PRDM1: variants seen among roughly 807,000 people sequenced by gnomAD.
PRDM1 encodes PR domain zinc finger protein 1.
In PRDM1, 13 loss-of-function variants were observed where a neutral mutation model predicts 62.8. The ratio of observed to expected loss-of-function variants is 0.21; its 90% CI spans 0.13 to 0.33. The LOEUF is 0.33. PRDM1 is among the 10% of genes least tolerant of loss of function. The probability of loss-of-function intolerance (pLI) is 1.00; values close to 1 mark genes in which losing one functional copy is unlikely to be tolerated. For synonymous variants in PRDM1, 396 were observed against 417.6 expected (o/e 0.95, Z 0.63); for missense variants, 895 against 1,058.8 (o/e 0.85, Z 2.15).
intron 4 of PRDM1, among the ~76,000 whole-genome samples, chr6:106,102,342 G>T (rs901745755): frequency 9.9e-5 from 15 of 152,218 alleles, no homozygotes; most frequent in African/African-American, 3.4e-4. Flanking sequence ...GCTGCTGAAG[G>T]ATGATTTTTT....
chr6:106,076,945 G>A (rs553106896), intron 1 of PRDM1, among the ~76,000 whole-genome samples: 1 of 152,366 alleles, frequency 6.6e-6, no homozygotes, highest in African/African-American at 2.4e-5. Flanking sequence ...GCAGATGGCT[G>A]AGTGGACAAA....
At chr6:106,099,080 A>G (rs1190691586) in intron 3 of PRDM1, 2 of 1,614,162 alleles carry the variant, frequency 1.2e-6, no homozygotes, top group Non-Finnish European at 1.7e-6. Context: ...AGACGATAAA[A>G]CTGAAATGGA....
At chr6:106,066,770 A>T (rs1445032479) in intron 1 of PRDM1, among the ~76,000 whole-genome samples, 1 of 152,126 alleles carries the variant, frequency 6.6e-6, no homozygotes, top group Non-Finnish European at 1.5e-5. Context: ...ATATATACAC[A>T]TTTTCCACCA....
chr6:106,090,002 A>G (rs1309238460), intron 2 of PRDM1, among the ~76,000 whole-genome samples: 2 of 152,148 alleles, frequency 1.3e-5, no homozygotes, highest in Non-Finnish European at 2.9e-5. Context: ...AAGTTTTTCA[A>G]TTTCCGTCAT....
intron 1 of PRDM1, among the ~76,000 whole-genome samples, chr6:106,024,168 G>A (rs769593617): frequency 6.6e-6 from 1 of 151,974 alleles, no homozygotes; most frequent in African/African-American, 2.4e-5. Context: ...CAGTGCCTAC[G>A]TGTTAATTTA....
At chr6:106,009,722 T>C (rs1772522865) in intron 1 of PRDM1, among the ~76,000 whole-genome samples, 1 of 151,970 alleles carries the variant, frequency 6.6e-6, no homozygotes, top group Admixed American at 6.6e-5. Context: ...TTCTCCCTCC[T>C]GAATTTTTTT....
chr6:106,098,944 A>T (rs561962994), intron 3 of PRDM1: 1 of 1,529,190 alleles, frequency 6.5e-7, no homozygotes, highest in Admixed American at 2.0e-5. Flanking sequence ...TGAAGTCAGT[A>T]GCATCGCCCA....
At chr6:106,014,598 A>G (rs1772596557) in intron 1 of PRDM1, among the ~76,000 whole-genome samples, 1 of 151,376 alleles carries the variant, frequency 6.6e-6, no homozygotes. Flanking sequence ...ATCTGTAACA[A>G]ATGTATTTAT....
chr6:106,067,749 A>G (rs553525435), intron 1 of PRDM1, among the ~76,000 whole-genome samples: 45 of 152,310 alleles, frequency 3.0e-4, no homozygotes, highest in African/African-American at 1.1e-3. Context: ...GCTTAATAGG[A>G]TCAGAGTTTC....
intron 1 of PRDM1, among the ~76,000 whole-genome samples, chr6:106,058,242 A>G (rs1253160618): frequency 2.6e-5 from 4 of 152,202 alleles, no homozygotes; most frequent in Non-Finnish European, 5.9e-5. Flanking sequence ...GTCCAAGATC[A>G]GGGTCCAGCC....
At chr6:106,050,921 A>G (rs920987578) in intron 1 of PRDM1, among the ~76,000 whole-genome samples, 5 of 152,246 alleles carry the variant, frequency 3.3e-5, no homozygotes, top group African/African-American at 4.8e-5. Flanking sequence ...TTTTGTATTT[A>G]AAATTTAGTG....
chr6:106,081,239 C>T (rs902230570), intron 1 of PRDM1, among the ~76,000 whole-genome samples: 1 of 152,164 alleles, frequency 6.6e-6, no homozygotes, highest in East Asian at 1.9e-4. Flanking sequence ...GTGTCACCAC[C>T]GGTTTAACAT....
rs72941650 is a variant in PRDM1 at position 106,052,004 on chromosome 6, T to G, written c.-67+3290T>G. On this transcript the variant is annotated intron_variant, in intron 1 of 6. Coordinates refer to the PRDM1 transcript ENST00000651185. ...AAGTTCATAGACACAGAAAGTAGAA[T>G]AGAGGTTACCAGGGACTAGGGGTAG... Among the ~76,000 whole-genome samples the G allele has an allele frequency of 3.7e-4, 56 of 152,250 alleles. No individual in the cohort carries two copies. In the South Asian group the frequency reaches 4.3e-3, roughly 12 times the overall value.
intron 4 of PRDM1, among the ~76,000 whole-genome samples, chr6:106,104,078 T>A (rs954884244): frequency 6.6e-6 from 1 of 152,250 alleles, no homozygotes; most frequent in African/African-American, 2.4e-5. Context: ...AAATGAGTCT[T>A]AATCTTTCAC....
chr6:106,072,213 T>G (rs1773530529), intron 1 of PRDM1: 2 of 152,228 alleles, frequency 1.3e-5, no homozygotes, highest in Admixed American at 6.5e-5. Context: ...GCTGTTTCAC[T>G]GGGGGCAGGA....
At chr6:106,064,640 G>C (rs1773400509) in intron 1 of PRDM1, among the ~76,000 whole-genome samples, 1 of 152,150 alleles carries the variant, frequency 6.6e-6, no homozygotes, top group Non-Finnish European at 1.5e-5. Context: ...TGGCTGTATA[G>C]GCATAAGTTG....
In PRDM1 at chr6:106,094,784, T is replaced by TC. The variant is rs1363853412; in HGVS notation, c.292-828dup. Among the ~76,000 whole-genome samples, 4 of 152,016 alleles carry TC rather than the reference T, an allele frequency of 2.6e-5. No individual in the cohort carries two copies. In the East Asian group the frequency reaches 5.8e-4, roughly 22 times the overall value. ...TGGGCGTGATGGTGCATGCCTGTAGTCCCAGCTACTCAGGAGGCTGAGGTG... is the reference window on the plus strand; with the variant it reads ...TGGGCGTGATGGTGCATGCCTGTAGTCCCCAGCTACTCAGGAGGCTGAGGTG... On this transcript the variant is annotated intron_variant, in intron 2 of 6. Transcript: ENST00000369096.
At chr6:106,014,825 A>G (rs926782791) in intron 1 of PRDM1, among the ~76,000 whole-genome samples, 1 of 152,112 alleles carries the variant, frequency 6.6e-6, no homozygotes, top group Non-Finnish European at 1.5e-5. Flanking sequence ...TCTTTTTTAA[A>G]ATAACCAAAG....
At chr6:106,099,684 C>A in intron 4 of PRDM1, 132 bp downstream of exon 4, 1 of 1,263,604 alleles carries the variant, frequency 7.9e-7, no homozygotes, top group Non-Finnish European at 1.1e-6. Flanking sequence ...AAGCTAGGGA[C>A]TAGGAAGAGG....
Sources: gnomAD v4.1 joint callset for allele counts (sites outside exome capture counted in the v4.1 genomes callset) on GRCh38, gnomAD v4.1.1 for gene constraint, MANE v1.5 for transcripts, NCBI Gene and HGNC (gene_info 2026-07-23, HGNC 2026-07-21) for gene names.